Variants in EED observed in about 807,000 individuals in gnomAD.
EED encodes the protein polycomb protein EED.
A neutral mutation model predicts 61.0 loss-of-function variants in EED; 9 were observed. The observed-to-expected ratio is 0.15, with a 90% confidence interval of 0.09 to 0.26. EED has a LOEUF of 0.26. Ranked by LOEUF, EED falls within the 10% of genes least tolerant of loss-of-function variation. The pLI, the probability that EED is intolerant of heterozygous loss-of-function variation, is 1.00. For synonymous variants in EED, 187 were observed against 174.4 expected (o/e 1.07, Z -0.57); for missense variants, 315 against 542.3 (o/e 0.58, Z 4.16).
chr11:86,272,821 T>G (rs1228949809), intron 9 of EED, among the ~76,000 whole-genome samples: 1 of 152,236 alleles, frequency 6.6e-6, no homozygotes, highest in African/African-American at 2.4e-5. Flanking sequence ...TCTGCCTATG[T>G]CTTTTAATTG....
At position 86,278,679 on chromosome 11, in the gene EED, T is replaced by G. The variant is rs1946285521; in HGVS notation, c.*154T>G. 1.1e-6 allele frequency: 1 copy of G among 934,170 alleles called. No individual in the cohort carries two copies. The highest frequency in any genetic ancestry group is 1.7e-5 in the African/African-American group (1 of 59,976). 57.9% of individuals were successfully genotyped at this position (934,170 alleles called of 1,614,324 possible). On this transcript the variant is annotated 3_prime_UTR_variant, in exon 12 of 12. Transcript: ENST00000263360. The stretch of plus-strand genomic sequence containing the variant: ...TGTAGTGATGTTTACATTGTTTACA[T>G]TCTTTGTACTGTCTTCCTGCTCAGA...
rs1946286625 is a variant in EED, at chr11:86,278,746, TGTTTA to T, written c.*225_*229del. ...AAAAATTTATTTTTGTAAAGCTGTG[TGTTTA>T]GTTACTTTCATTGTGGTGAAAAAAA... On this transcript the variant is annotated 3_prime_UTR_variant, in exon 12 of 12. Coordinates refer to ENST00000263360, the MANE Select transcript of EED (RefSeq NM_003797.5). 5 of 473,284 alleles carry T rather than the reference TGTTTA, an allele frequency of 1.1e-5. No individual in the cohort carries two copies. Among genetic ancestry groups the T allele is most frequent in the Non-Finnish European group, 1.7e-5 (5 of 299,644 alleles). The allele number at this position is 473,284 out of a possible 1,614,324, so 29.3% of individuals were successfully genotyped here. A position where few individuals can be genotyped will look rare whatever the true frequency, so the allele number is the denominator to read the frequency against.
chr11:86,275,757 A>G (rs1023935280), intron 9 of EED, among the ~76,000 whole-genome samples: 2 of 152,202 alleles, frequency 1.3e-5, no homozygotes, highest in African/African-American at 2.4e-5. Flanking sequence ...AGAAAACTCC[A>G]CAGACTATTG....
intron 10 of EED, chr11:86,277,361 G>T: frequency 2.8e-6 from 1 of 354,574 alleles, no homozygotes; most frequent in Non-Finnish European, 5.1e-6. Context: ...AAATTAAGTT[G>T]GCAGTTAGGT....
intron 6 of EED, among the ~76,000 whole-genome samples, chr11:86,260,252 G>A (rs1945792413): frequency 6.6e-6 from 1 of 152,088 alleles, no homozygotes; most frequent in African/African-American, 2.4e-5. Context: ...TTTAGAGACA[G>A]GATCTCACTC....
At chr11:86,249,249 C>G (rs1321296172) in intron 1 of EED, among the ~76,000 whole-genome samples, 1 of 152,092 alleles carries the variant, frequency 6.6e-6, no homozygotes, top group Non-Finnish European at 1.5e-5. Context: ...TGAGTACGTA[C>G]TGCTTGCTAC....
intron 9 of EED, chr11:86,270,285 C>A: frequency 2.3e-6 from 1 of 427,402 alleles, no homozygotes; most frequent in South Asian, 5.8e-5. Flanking sequence ...ATTTACCATT[C>A]GTATATCCTT....
chr11:86,286,376 G>A, the EED span, among the ~76,000 whole-genome samples: 9 of 151,768 alleles, frequency 5.9e-5, no homozygotes, highest in South Asian at 1.7e-3. Context: ...GGGGTGTTTC[G>A]AAGGAAAAAA....
rs373672216 is a variant in EED, at chr11:86,269,115, G to C, written c.966+554G>C. ...GCTTAGCCCAGCCTATCTTAAATGT[G>C]CTCAGAATTAGCCTACAGTTGGGCA... is the stretch of plus-strand genomic sequence containing the variant. On this transcript the variant is annotated intron_variant, in intron 9 of 11. Transcript: ENST00000263360. Among the ~76,000 whole-genome samples the C allele has an allele frequency of 3.9e-5, 6 of 152,206 alleles. No individual in the cohort carries two copies. The East Asian group carries it at 5.8e-4, about 15-fold the overall frequency.
chr11:86,273,011 A>G (rs1946151981), intron 9 of EED, among the ~76,000 whole-genome samples: 1 of 152,126 alleles, frequency 6.6e-6, no homozygotes. Flanking sequence ...CTACTATATT[A>G]TCAGCATTTT....
At chr11:86,283,994 C>G in the EED span, 1 of 152,320 alleles carries the variant, frequency 6.6e-6, no homozygotes, top group Non-Finnish European at 1.5e-5. Flanking sequence ...TCTTCCTTAC[C>G]ATCGTGTCTC....
At chr11:86,249,150 G>C (rs1161302231) in intron 1 of EED, among the ~76,000 whole-genome samples, 2 of 152,074 alleles carry the variant, frequency 1.3e-5, no homozygotes, top group East Asian at 1.9e-4. Context: ...CAACTGAAAA[G>C]GTGGAGAGAA....
intron 9 of EED, 133 bp downstream of exon 9, chr11:86,268,694 G>T: frequency 2.0e-6 from 1 of 507,498 alleles, no homozygotes; most frequent in Non-Finnish European, 3.4e-6. Context: ...AATGGCAGCT[G>T]GGAAGTTGCC....
At chr11:86,249,381 G>GAAAA (rs34097493) in intron 1 of EED, among the ~76,000 whole-genome samples, 2 of 125,596 alleles carry the variant, frequency 1.6e-5, no homozygotes, top group Admixed American at 8.1e-5. Flanking sequence ...GCATTTCATG[G>GAAAA]AAAAAAAAAA....
chr11:86,250,106 T>C (rs1018380728), intron 1 of EED, among the ~76,000 whole-genome samples, 190 bp from the exon 2 acceptor site: 1 of 152,244 alleles, frequency 6.6e-6, no homozygotes, highest in Admixed American at 6.5e-5. Flanking sequence ...TTTGTTGAAA[T>C]ATAAAATATC....
intron 9 of EED, among the ~76,000 whole-genome samples, chr11:86,272,442 C>T (rs905675501): frequency 1.3e-5 from 2 of 152,016 alleles, no homozygotes; most frequent in Non-Finnish European, 2.9e-5. Context: ...TGTTTTATGG[C>T]TCTATTTTAG....
the EED span, chr11:86,283,830 CAA>C: frequency 1.8e-5 from 2 of 111,378 alleles, no homozygotes; most frequent in Non-Finnish European, 3.8e-5. Context: ...AAAGATCTAA[CAA>C]TATATTTAAT....
At chr11:86,260,118 T>TAA (rs1945788884) in intron 6 of EED, among the ~76,000 whole-genome samples, 4 of 152,246 alleles carry the variant, frequency 2.6e-5, no homozygotes, top group Admixed American at 6.5e-5. Flanking sequence ...AATTTTCACA[T>TAA]GTATTACTAC....
chr11:86,284,452 G>C, the EED span: 34 of 152,270 alleles, frequency 2.2e-4, no homozygotes, highest in Non-Finnish European at 7.3e-5. Flanking sequence ...TGGACAGTGA[G>C]GGCTCTTTTG....
Sources: gnomAD v4.1 joint callset for allele counts (sites outside exome capture counted in the v4.1 genomes callset) on GRCh38, gnomAD v4.1.1 for gene constraint, MANE v1.5 for transcripts, NCBI Gene and HGNC (gene_info 2026-07-23, HGNC 2026-07-21) for gene names.